The following SORCS2 variants were observed in gnomAD, a reference collection of about 807,000 sequenced individuals.
SORCS2 encodes the protein VPS10 domain-containing receptor SorCS2.
In SORCS2, 100 loss-of-function variants were observed where a neutral mutation model predicts 141.6. The observed-to-expected ratio is 0.71, with a 90% CI of 0.60 to 0.83. The LOEUF is 0.83. Among genes scored for constraint, SORCS2 ranks in the 40% least tolerant of loss-of-function variants. SORCS2 has a pLI of 0.00. For missense variants in SORCS2, 1,646 were observed against 1,560.2 expected, an observed-to-expected ratio of 1.05 and a Z score of -0.93; for synonymous variants, 789 against 676.9, an observed-to-expected ratio of 1.17 and a Z score of -2.57.
At chr4:7,405,047 G>A (rs576413246) in intron 2 of SORCS2, among the ~76,000 whole-genome samples, 1 of 152,194 alleles carries the variant, frequency 6.6e-6, no homozygotes, top group African/African-American at 2.4e-5. Flanking sequence ...TGAGAGATAG[G>A]GGTCCGTTTT....
chr4:7,327,668 T>C (rs963734835), intron 1 of SORCS2, among the ~76,000 whole-genome samples: 1 of 152,156 alleles, frequency 6.6e-6, no homozygotes, highest in Non-Finnish European at 1.5e-5. Flanking sequence ...CCCTGCAGTG[T>C]CTCCCGGGAC....
At chr4:7,710,292 C>G (rs1725740965) in intron 14 of SORCS2, among the ~76,000 whole-genome samples, 1 of 152,198 alleles carries the variant, frequency 6.6e-6, no homozygotes, top group Non-Finnish European at 1.5e-5. Flanking sequence ...CTGTGCTGCC[C>G]TGGCCGGGTC....
intron 1 of SORCS2, among the ~76,000 whole-genome samples, chr4:7,332,666 CAGATGGGG>C (rs1286852160): frequency 6.6e-6 from 1 of 152,234 alleles, no homozygotes; most frequent in Non-Finnish European, 1.5e-5. Context: ...TGTCTAGAGG[CAGATGGGG>C]AAGTCACACC....
chr4:7,442,710 A>G (rs1208591317), intron 2 of SORCS2, among the ~76,000 whole-genome samples: 1 of 146,900 alleles, frequency 6.8e-6, no homozygotes, highest in African/African-American at 2.5e-5. Context: ...GATATCAACA[A>G]AGCGGAGAGC....
intron 1 of SORCS2, among the ~76,000 whole-genome samples, chr4:7,295,535 G>C (rs964193876): frequency 6.6e-6 from 1 of 152,168 alleles, no homozygotes; most frequent in African/African-American, 2.4e-5. Context: ...CAGCCGAGAG[G>C]GGCCAGAGCC....
chr4:7,724,975 TGGTG>T (rs1197959371), intron 19 of SORCS2, among the ~76,000 whole-genome samples, 175 bp from the exon 20 acceptor site: 6 of 131,262 alleles, frequency 4.6e-5, no homozygotes, highest in Non-Finnish European at 9.7e-5. Flanking sequence ...GTGATAGTGT[TGGTG>T]GGAATGGATG....
At chr4:7,653,400 T>A (rs935089953) in intron 4 of SORCS2, among the ~76,000 whole-genome samples, 1 of 152,176 alleles carries the variant, frequency 6.6e-6, no homozygotes, top group Non-Finnish European at 1.5e-5. Flanking sequence ...TGCGCCACCA[T>A]GCCCAGCTAA....
intron 2 of SORCS2, among the ~76,000 whole-genome samples, chr4:7,454,833 CTG>C (rs1577591947): frequency 1.7e-5 from 2 of 120,288 alleles, no homozygotes; most frequent in Admixed American, 9.1e-5. Context: ...GGGTCTGGTG[CTG>C]TGTGTTGGGG....
intron 2 of SORCS2, among the ~76,000 whole-genome samples, chr4:7,401,389 G>A (rs1341286746): frequency 2.6e-5 from 4 of 152,186 alleles, no homozygotes; most frequent in Admixed American, 6.5e-5. Flanking sequence ...AAGAAAGGAT[G>A]GATGGTGATG....
At chr4:7,308,159 G>C (rs1717954865) in intron 1 of SORCS2, among the ~76,000 whole-genome samples, 1 of 152,158 alleles carries the variant, frequency 6.6e-6, no homozygotes. Flanking sequence ...CTCCCTCTCA[G>C]GGGCACTTTC....
chr4:7,264,844 G>A (rs1015278129), intron 1 of SORCS2, among the ~76,000 whole-genome samples: 2 of 152,228 alleles, frequency 1.3e-5, no homozygotes, highest in Admixed American at 6.5e-5. Flanking sequence ...GCTGCTGGCT[G>A]GAGCCAGAGG....
At chr4:7,577,953 A>G (rs1715876514) in intron 3 of SORCS2, among the ~76,000 whole-genome samples, 1 of 151,954 alleles carries the variant, frequency 6.6e-6, no homozygotes, top group Admixed American at 6.5e-5. Flanking sequence ...CATATAGCAT[A>G]CTGGCGAAGT....
At chr4:7,241,877 G>A (rs571826677) in intron 1 of SORCS2, among the ~76,000 whole-genome samples, 26 of 152,322 alleles carry the variant, frequency 1.7e-4, no homozygotes, top group African/African-American at 6.0e-4. Context: ...TGCTTGCTCC[G>A]CAGGCTGTTT....
chr4:7,378,763 C>T (rs2109062962), intron 1 of SORCS2, among the ~76,000 whole-genome samples: 1 of 152,314 alleles, frequency 6.6e-6, no homozygotes, highest in African/African-American at 2.4e-5. Context: ...TGCTCCCCAT[C>T]TCCACCCTGC....
At chr4:7,354,671 A>G (rs1721142192) in intron 1 of SORCS2, among the ~76,000 whole-genome samples, 1 of 152,162 alleles carries the variant, frequency 6.6e-6, no homozygotes, top group Admixed American at 6.5e-5. Flanking sequence ...TAAGTAAGAG[A>G]GCTCTGCTAG....
intron 2 of SORCS2, among the ~76,000 whole-genome samples, chr4:7,502,823 T>A (rs1045455199): frequency 1.1e-4 from 17 of 152,226 alleles, no homozygotes; most frequent in Non-Finnish European, 1.5e-5. Context: ...CATGCCCACT[T>A]CCACGCTGCA....
chr4:7,627,421 C>T (rs1197001516), intron 3 of SORCS2, among the ~76,000 whole-genome samples: 1 of 152,210 alleles, frequency 6.6e-6, no homozygotes, highest in African/African-American at 2.4e-5. Context: ...CATCAGTCTG[C>T]TTGCCTCCCA....
At position 7,661,559 on chromosome 4, in the gene SORCS2, G is replaced by A. The variant is rs1722169445; in HGVS notation, c.947G>A (p.Gly316Asp). 10 of 1,551,852 alleles carry A rather than the reference G, an allele frequency of 6.4e-6. No homozygotes were observed. The highest frequency in any genetic ancestry group is 8.7e-6 in the Non-Finnish European group (10 of 1,147,100). The change falls in exon 6 of 27, where the codon GGT becomes GAT. Residue 316 changes from glycine (G) to aspartate (D), a missense_variant. By Grantham distance (94) the Gly-to-Asp change is moderately conservative. Transcript: ENST00000507866. ...GTCCACGTGGAAGCCCAAGACCTCG[G>A]TGGAGGTAAGCCGGGCAGTGCACAG... is the stretch of plus-strand genomic sequence containing the variant. ...DLVHVEAQDL[G>D]GDFRYVTCAI... is the part of the protein sequence containing the mutation.
intron 1 of SORCS2, chr4:7,381,870 G>A: frequency 1.0e-6 from 1 of 984,042 alleles, no homozygotes; most frequent in Middle Eastern, 5.2e-4. Flanking sequence ...GGGCAGTACA[G>A]TGGGGCAGGC....
Sources: gnomAD v4.1 joint callset for allele counts (sites outside exome capture counted in the v4.1 genomes callset) on GRCh38, gnomAD v4.1.1 for gene constraint, MANE v1.5 for transcripts, NCBI Gene and HGNC (gene_info 2026-07-23, HGNC 2026-07-21) for gene names.